Variants in PDE3B observed in about 807,000 individuals in gnomAD.
PDE3B encodes the protein phosphodiesterase 3B.
PDE3B carries 66 observed loss-of-function variants against 116.8 expected under a neutral mutation model. The ratio of observed to expected loss-of-function variants is 0.56; its 90% confidence interval spans 0.46 to 0.69. PDE3B has a LOEUF of 0.69. PDE3B is among the 30% of genes least tolerant of loss of function. The pLI is 0.00. For synonymous variants in PDE3B, 595 were observed against 533.6 expected (o/e 1.12, Z -1.59); for missense variants, 1,384 against 1,368.1 (o/e 1.01, Z -0.18).
intron 1 of PDE3B, among the ~76,000 whole-genome samples, chr11:14,679,741 T>G (rs1854642040): frequency 6.6e-6 from 1 of 151,782 alleles, no homozygotes; most frequent in Non-Finnish European, 1.5e-5. Flanking sequence ...AACTTAAATC[T>G]TCTTTTCTTA....
At chr11:14,716,073 C>G (rs557509531) in intron 1 of PDE3B, among the ~76,000 whole-genome samples, 1 of 152,142 alleles carries the variant, frequency 6.6e-6, no homozygotes, top group South Asian at 2.1e-4. Flanking sequence ...GCACCGTGCG[C>G]GAGCCGAAGC....
At chr11:14,716,121 T>A (rs1285977141) in intron 1 of PDE3B, among the ~76,000 whole-genome samples, 2 of 151,706 alleles carry the variant, frequency 1.3e-5, no homozygotes, top group East Asian at 3.9e-4. Flanking sequence ...GCGCAAGGGG[T>A]CAGGGAGTTC....
At chr11:14,794,239 AGCAAGCAAGCAG>A (rs1213685869) in intron 4 of PDE3B, among the ~76,000 whole-genome samples, 1 of 152,198 alleles carries the variant, frequency 6.6e-6, no homozygotes, top group Non-Finnish European at 1.5e-5. Context: ...CAAGCAAGCG[AGCAAGCAAGCAG>A]GCAAGCAAGC....
chr11:14,644,501 ACCCGG>A lies in PDE3B; in HGVS notation c.432_436del (p.Gly146GlufsTer192). ...GCTTCCTCACCCGGACCAAGCGGGG[ACCCGG>A]CCCGGGCCGGAGCTGCGGCTCCTGG... On this transcript the variant is annotated frameshift_variant, in exon 1 of 16. Coordinates refer to ENST00000282096, the MANE Select transcript of PDE3B (RefSeq NM_000922.4). LOFTEE classifies it high-confidence loss of function. The A allele has an allele frequency of 6.2e-7, 1 of 1,610,492 alleles. No individual in the cohort carries two copies. Among genetic ancestry groups the A allele is most frequent in the Non-Finnish European group, 8.5e-7 (1 of 1,178,698 alleles).
chr11:14,786,366 G>C lies in PDE3B; in HGVS notation c.1030-71G>C, dbSNP rs1590143822. 3.4e-6 allele frequency: 4 copies of C among 1,175,624 alleles called. No homozygotes were observed. The East Asian group carries it at 9.8e-5, about 29-fold the overall frequency. The allele number at this position is 1,175,624 out of a possible 1,614,324, so 72.8% of individuals were successfully genotyped here. A position where few individuals can be genotyped will look rare whatever the true frequency, so the allele number is the denominator to read the frequency against. On this transcript the variant is annotated intron_variant, in intron 2 of 15. Transcript: ENST00000282096. Reference sequence around the variant, plus strand: ...ATATATATATATAAATTTTAAGTTAGAATTATACCATTTGTTATATCATTT... The same window carrying C: ...ATATATATATATAAATTTTAAGTTACAATTATACCATTTGTTATATCATTT...
At chr11:14,716,112 C>T (rs1234533646) in intron 1 of PDE3B, among the ~76,000 whole-genome samples, 7 of 151,622 alleles carry the variant, frequency 4.6e-5, no homozygotes, top group African/African-American at 9.7e-5. Flanking sequence ...ACCTGGGAAG[C>T]GCAAGGGGTC....
intron 1 of PDE3B, among the ~76,000 whole-genome samples, chr11:14,766,126 A>G (rs1381777743): frequency 6.6e-6 from 1 of 151,730 alleles, no homozygotes; most frequent in Non-Finnish European, 1.5e-5. Flanking sequence ...ATTTTTGAAA[A>G]CTAAAAAATT....
At chr11:14,653,463 G>A (rs1259835014) in intron 1 of PDE3B, among the ~76,000 whole-genome samples, 1 of 152,016 alleles carries the variant, frequency 6.6e-6, no homozygotes, top group Non-Finnish European at 1.5e-5. Context: ...CCCTCGGGAG[G>A]CTGAGGCAGG....
chr11:14,813,918 G>A (rs970969464), intron 5 of PDE3B, among the ~76,000 whole-genome samples: 5 of 152,066 alleles, frequency 3.3e-5, no homozygotes, highest in Non-Finnish European at 5.9e-5. Flanking sequence ...ATACCATAAT[G>A]TTCATGTTGG....
At chr11:14,823,123 G>A (rs1197488522) in intron 7 of PDE3B, among the ~76,000 whole-genome samples, 1 of 152,148 alleles carries the variant, frequency 6.6e-6, no homozygotes, top group East Asian at 1.9e-4. Flanking sequence ...GTGCTCCCGG[G>A]GGAGGGACAG....
chr11:14,660,514 C>T (rs757459555), intron 1 of PDE3B, among the ~76,000 whole-genome samples: 34 of 151,710 alleles, frequency 2.2e-4, no homozygotes, highest in African/African-American at 4.8e-4. Flanking sequence ...GTGTTGCCCA[C>T]GCTGGTCTTG....
chr11:14,891,953 C>G, the PDE3B span: 1 of 1,608,156 alleles, frequency 6.2e-7, no homozygotes, highest in Non-Finnish European at 8.5e-7. Flanking sequence ...TGGCGGCCCT[C>G]CCTGCCCGGG....
intron 1 of PDE3B, chr11:14,673,599 C>T (rs1439804189): frequency 1.1e-5 from 7 of 610,078 alleles, no homozygotes; most frequent in East Asian, 3.7e-5. Context: ...GCTCTCAGGA[C>T]GGTTCTCAGG....
chr11:14,646,884 C>T (rs1853423575), intron 1 of PDE3B, among the ~76,000 whole-genome samples: 1 of 151,982 alleles, frequency 6.6e-6, no homozygotes, highest in South Asian at 2.1e-4. Flanking sequence ...TGCAGAAAAC[C>T]CTTATTCACA....
chr11:14,644,146 C>G lies in PDE3B; in HGVS notation c.71C>G (p.Pro24Arg), dbSNP rs765870867. The change falls in exon 1 of 16, where the codon CCC becomes CGC. Residue 24 changes from proline to arginine, a missense_variant. Physicochemically the swap from Pro to Arg is moderately radical, Grantham distance 103. Coordinates refer to ENST00000282096, the MANE Select transcript of PDE3B (RefSeq NM_000922.4). ...LQPPDGAGSPPESLRNGYVKS... is the reference protein window; with the variant it reads ...LQPPDGAGSPRESLRNGYVKS... Reference sequence around the variant, plus strand: ...CCGCCGGATGGGGCCGGCTCGCCCCCCGAGAGTCTGAGGAACGGCTACGTG... The same window carrying G: ...CCGCCGGATGGGGCCGGCTCGCCCCGCGAGAGTCTGAGGAACGGCTACGTG... The G allele has an allele frequency of 1.0e-5, 16 of 1,592,190 alleles. No homozygotes were observed. Among genetic ancestry groups the G allele is most frequent in the South Asian group, 8.9e-5 (8 of 89,926 alleles).
chr11:14,830,928 C>T (rs1859865591), intron 8 of PDE3B, 82 bp downstream of exon 8: 1 of 949,008 alleles, frequency 1.1e-6, no homozygotes, highest in East Asian at 3.0e-5. Flanking sequence ...TTGCCCAGAA[C>T]AAGATTTTTA....
At chr11:14,789,796 A>G (rs1858328242) in intron 4 of PDE3B, among the ~76,000 whole-genome samples, 1 of 152,056 alleles carries the variant, frequency 6.6e-6, no homozygotes, top group South Asian at 2.1e-4. Context: ...AGTAACTTTA[A>G]GTAAATGAGG....
chr11:14,879,439 TTGTCC>T, the PDE3B span: 1 of 1,599,744 alleles, frequency 6.3e-7, no homozygotes, highest in African/African-American at 1.3e-5. Context: ...CTTTCTGAAC[TTGTCC>T]TGTCAGAGAA....
chr11:14,658,575 T>C (rs1241169782), intron 1 of PDE3B, among the ~76,000 whole-genome samples: 1 of 152,168 alleles, frequency 6.6e-6, no homozygotes, highest in Non-Finnish European at 1.5e-5. Context: ...CAGGCTGGTC[T>C]TGAACTCTTG....
Sources: gnomAD v4.1 joint callset for allele counts (sites outside exome capture counted in the v4.1 genomes callset) on GRCh38, gnomAD v4.1.1 for gene constraint, MANE v1.5 for transcripts, NCBI Gene and HGNC (gene_info 2026-07-23, HGNC 2026-07-21) for gene names.